ITGAE: variants seen among roughly 807,000 people sequenced by gnomAD.
The protein encoded by ITGAE is integrin alpha-E.
In ITGAE, 99 loss-of-function variants were observed where a neutral mutation model predicts 136.5. The ratio of observed to expected loss-of-function variants is 0.73; its 90% CI spans 0.62 to 0.86. ITGAE has a LOEUF of 0.86. Among genes scored for constraint, ITGAE ranks in the 40% least tolerant of loss-of-function variants. The probability of loss-of-function intolerance (pLI) is 0.00; values close to 1 mark genes in which losing one functional copy is unlikely to be tolerated. For missense variants in ITGAE, 1,447 were observed against 1,515.3 expected, an observed-to-expected ratio of 0.95 and a Z score of 0.75; for synonymous variants, 613 against 591.8, an observed-to-expected ratio of 1.04 and a Z score of -0.52.
Position 3,753,832 on chromosome 17 carries a change from T to C in ITGAE, c.1478A>G (p.Gln493Arg). 6.2e-7 allele frequency: 1 copy of C among 1,614,174 alleles called. No homozygotes were observed. The highest frequency in any genetic ancestry group is 8.5e-7 in the Non-Finnish European group (1 of 1,180,028). Residue 493 changes from glutamine to arginine, a missense_variant, in exon 13 of 31, where the codon CAG becomes CGG. Gln to Arg is a conservative substitution (Grantham distance 43). Coordinates refer to ENST00000263087, the MANE Select transcript of ITGAE (RefSeq NM_002208.5). ...GAAGCTGGCCTCTCTGCCCTCCTTC[T>C]GGAGCTCAAACACGGCCCCATGATG... Reference protein sequence around the residue: ...YKHHGAVFELQKEGREASFLP... With the variant: ...YKHHGAVFELRKEGREASFLP...
Position 3,731,127 on chromosome 17 carries a change from T to G in ITGAE, c.2811A>C (p.Ala937=). Residue 937 remains alanine (A), a synonymous_variant, in exon 23 of 31, where the codon GCA becomes GCC. Transcript: ENST00000263087. Reference sequence around the variant, plus strand: ...ACTTGGTGACAGTCACAGTGATGTCTGCTGTCCTGTTTGGAAAGGCATTCT... The same window carrying G: ...ACTTGGTGACAGTCACAGTGATGTCGGCTGTCCTGTTTGGAAAGGCATTCT... ...LEENAFPNRT[A]DITVTVTNSN... 6.2e-7 allele frequency: 1 copy of G among 1,613,650 alleles called. No individual in the cohort carries two copies.
intron 15 of ITGAE, among the ~76,000 whole-genome samples, chr17:3,751,265 G>T (rs914355946): frequency 4.1e-4 from 62 of 152,026 alleles, no homozygotes; most frequent in African/African-American, 1.4e-3. Context: ...AGGGAGCCCT[G>T]GGGAATGAGA....
At chr17:3,716,085 G>C (rs982230382) in intron 30 of ITGAE, among the ~76,000 whole-genome samples, 5 of 151,600 alleles carry the variant, frequency 3.3e-5, no homozygotes, top group African/African-American at 1.2e-4. Flanking sequence ...TGAACCCGGG[G>C]TCAGGGTGGG....
chr17:3,725,504 A>G (rs1412790534), intron 26 of ITGAE: 1 of 1,614,222 alleles, frequency 6.2e-7, no homozygotes, highest in South Asian at 1.1e-5. Flanking sequence ...TAGTCAATGG[A>G]TCCCATCAGA....
intron 27 of ITGAE, 42 bp from the exon 28 acceptor site, chr17:3,723,425 G>A (rs1465847101): frequency 1.4e-5 from 20 of 1,423,916 alleles, no homozygotes; most frequent in Non-Finnish European, 2.0e-5. Context: ...CTTTCCGTGC[G>A]GAAAGTCTGA....
chr17:3,794,447 G>GC (rs1567563532), intron 1 of ITGAE, among the ~76,000 whole-genome samples: 1 of 152,086 alleles, frequency 6.6e-6, no homozygotes, highest in African/African-American at 2.4e-5. Flanking sequence ...GCCAGTGACT[G>GC]CCCCCTGCCA....
intron 25 of ITGAE, 22 bp from the exon 26 acceptor site, chr17:3,728,048 G>A: frequency 6.2e-7 from 1 of 1,606,642 alleles, no homozygotes; most frequent in South Asian, 1.1e-5. Context: ...AATCAGAGTA[G>A]GAAATCAAAG....
chr17:3,797,151 ATATATATTTTTTTT>A (rs1375736894), intron 1 of ITGAE, among the ~76,000 whole-genome samples: 1 of 22,410 alleles, frequency 4.5e-5, no homozygotes, highest in African/African-American at 2.2e-4. Context: ...ATATATATAT[ATATATATTTTTTTT>A]TTTTTTTTTT....
chr17:3,744,339 T>C (rs2143015863), intron 18 of ITGAE, among the ~76,000 whole-genome samples: 1 of 152,298 alleles, frequency 6.6e-6, no homozygotes, highest in East Asian at 1.9e-4. Flanking sequence ...ACTACGGTTT[T>C]GTGTCTATAG....
chr17:3,724,103 C>T (rs765173115), intron 26 of ITGAE: 1 of 1,594,656 alleles, frequency 6.3e-7, no homozygotes, highest in Non-Finnish European at 8.5e-7. Context: ...GCATCGGCGA[C>T]CCCTCGCAGT....
intron 8 of ITGAE, among the ~76,000 whole-genome samples, chr17:3,758,815 G>A (rs1020085799): frequency 8.5e-5 from 13 of 152,060 alleles, no homozygotes; most frequent in East Asian, 1.9e-4. Flanking sequence ...CAGTTTGCCC[G>A]GGGTCACACA....
chr17:3,723,908 C>T (rs2051129096), intron 26 of ITGAE, 164 bp from the exon 27 acceptor site: 3 of 1,536,944 alleles, frequency 2.0e-6, no homozygotes, highest in African/African-American at 1.4e-5. Context: ...GCGATGTTTG[C>T]GTTTGAACCT....
At chr17:3,778,407 G>A (rs1382304199) in intron 1 of ITGAE, among the ~76,000 whole-genome samples, 2 of 152,026 alleles carry the variant, frequency 1.3e-5, no homozygotes, top group East Asian at 1.9e-4. Flanking sequence ...TACGAAAAAC[G>A]CAAAAATTAG....
At chr17:3,792,371 C>T (rs1033803977) in intron 1 of ITGAE, among the ~76,000 whole-genome samples, 49 of 152,210 alleles carry the variant, frequency 3.2e-4, no homozygotes, top group African/African-American at 1.2e-3. Context: ...CCCGCCTTGG[C>T]CTCCCAAAGT....
At chr17:3,794,487 T>C (rs2053015730) in intron 1 of ITGAE, among the ~76,000 whole-genome samples, 1 of 152,134 alleles carries the variant, frequency 6.6e-6, no homozygotes, top group African/African-American at 2.4e-5. Flanking sequence ...ACACACTGCA[T>C]CTGCCTCGAT....
chr17:3,720,960 G>A lies in ITGAE; in HGVS notation c.3238-558C>T, dbSNP rs558484040. 7.2e-5 allele frequency among the ~76,000 whole-genome samples: 11 copies of A among 152,170 alleles called. No homozygotes were observed. The South Asian group carries it at 1.7e-3, about 23-fold the overall frequency. On this transcript the variant is annotated intron_variant, in intron 28 of 30. Coordinates refer to ENST00000263087, the MANE Select transcript of ITGAE (RefSeq NM_002208.5). ...TGACTTATTTTTGAGACAGGATCTCGCTCTGTCACCCATGCTGGAGTGCAA... is the reference window on the plus strand; with the variant it reads ...TGACTTATTTTTGAGACAGGATCTCACTCTGTCACCCATGCTGGAGTGCAA...
chr17:3,724,200 A>C, intron 26 of ITGAE: 1 of 1,593,132 alleles, frequency 6.3e-7, no homozygotes, highest in Non-Finnish European at 8.5e-7. Flanking sequence ...CCGAGTGCCC[A>C]AGGACCGGCC....
chr17:3,726,008 G>C (rs767993323), intron 26 of ITGAE: 2 of 1,614,012 alleles, frequency 1.2e-6, no homozygotes, highest in East Asian at 2.2e-5. Context: ...ACACCCTGTC[G>C]CGCTTGGAAC....
At chr17:3,753,472 C>T (rs1423557578) in intron 13 of ITGAE, 42 bp from the exon 14 acceptor site, 1 of 1,601,752 alleles carries the variant, frequency 6.2e-7, no homozygotes, top group East Asian at 2.2e-5. Flanking sequence ...AGCCCCGCTC[C>T]TGCACCCCTC....
Sources: gnomAD v4.1 joint callset for allele counts (sites outside exome capture counted in the v4.1 genomes callset) on GRCh38, gnomAD v4.1.1 for gene constraint, MANE v1.5 for transcripts, NCBI Gene and HGNC (gene_info 2026-07-23, HGNC 2026-07-21) for gene names.